GRIK2: variants seen among roughly 807,000 people sequenced by gnomAD.
GRIK2 encodes the protein glutamate ionotropic receptor kainate type subunit 2.
In GRIK2, 32 loss-of-function variants were observed where a neutral mutation model predicts 100.3. The observed-to-expected ratio is 0.32, with a 90% confidence interval of 0.24 to 0.43. GRIK2 has a LOEUF of 0.43. Ranked by LOEUF, GRIK2 falls within the 20% of genes least tolerant of loss-of-function variation. The probability of loss-of-function intolerance (pLI) is 1.00; values close to 1 mark genes in which losing one functional copy is unlikely to be tolerated. For synonymous variants in GRIK2, 417 were observed against 389.4 expected, an observed-to-expected ratio of 1.07 and a Z score of -0.83; for missense variants, 843 against 1,114.9, an observed-to-expected ratio of 0.76 and a Z score of 3.47.
chr6:101,963,278 A>ATTTTTTTTTTTTTTTTTTT lies in GRIK2; in HGVS notation c.2085+34665_2085+34683dup, dbSNP rs3029099. Among the ~76,000 whole-genome samples the ATTTTTTTTTTTTTTTTTTT allele has an allele frequency of 1.4e-4, 4 of 27,844 alleles. 1 individual carries two copies. Among genetic ancestry groups the ATTTTTTTTTTTTTTTTTTT allele is most frequent in the African/African-American group, 2.5e-4 (2 of 8,044 alleles). 18.3% of individuals were successfully genotyped at this position (27,844 alleles called of 152,430 possible). A position where few individuals can be genotyped will look rare whatever the true frequency, so the allele number is the denominator to read the frequency against. On this transcript the variant is annotated intron_variant, in intron 14 of 16. Transcript: ENST00000369134. ...TATTTCATATTTATACTTATTTAGGATTTTTTTTTTTTTTTTTTTTTTTTT... is the reference window on the plus strand; with the variant it reads ...TATTTCATATTTATACTTATTTAGGATTTTTTTTTTTTTTTTTTTTTTTTTTTTTTTTTTTTTTTTTTTT...
intron 7 of GRIK2, among the ~76,000 whole-genome samples, chr6:101,738,348 C>CT (rs200834939): frequency 0.018 from 2,733 of 151,382 alleles, 106 homozygotes; most frequent in African/African-American, 0.063. Context: ...AATAATCTCT[C>CT]TCTTTAATTC....
chr6:101,626,635 C>A lies in GRIK2; in HGVS notation c.539C>A (p.Thr180Asn), dbSNP rs368161465. 1.9e-6 allele frequency: 3 copies of A among 1,612,528 alleles called. No homozygotes were observed. In the African/African-American group the frequency reaches 4.0e-5, roughly 22 times the overall value. ...GTCACGGTTGTGTATGATGACAGCA[C>A]TGGTAAGAAAAATCAGTATCTTTTG... The part of the protein sequence containing the change: ...KTVTVVYDDS[T>N]GLIRLQELIK... Residue 180 changes from threonine (T) to asparagine (N), a missense_variant and splice_region_variant, in exon 4 of 17, where the codon ACT (threonine) becomes AAT (asparagine). Physicochemically the swap from Thr to Asn is moderately conservative, Grantham distance 65. This residue lies in a region of GRIK2 where 519 missense variants were observed against 643.8 expected (regional missense o/e 0.81). Coordinates refer to ENST00000369134, the MANE Select transcript of GRIK2 (RefSeq NM_021956.5).
At chr6:101,861,746 G>A (rs7744537) in intron 11 of GRIK2, among the ~76,000 whole-genome samples, 11,547 of 151,890 alleles carry the variant, frequency 0.076, 1,147 homozygotes, top group African/African-American at 0.23. Flanking sequence ...TTGATATTTC[G>A]CAAATTTGAA....
intron 7 of GRIK2, among the ~76,000 whole-genome samples, chr6:101,788,209 CT>C (rs1024999720): frequency 1.3e-4 from 20 of 149,558 alleles, no homozygotes; most frequent in African/African-American, 2.5e-4. Flanking sequence ...GAATTTCTTT[CT>C]TTTTTTTTAT....
At chr6:101,667,466 G>A (rs1361858800) in intron 4 of GRIK2, among the ~76,000 whole-genome samples, 2 of 152,268 alleles carry the variant, frequency 1.3e-5, no homozygotes, top group East Asian at 1.9e-4. Flanking sequence ...AAGTGTCAAA[G>A]TGTGTTTTCA....
At chr6:101,603,615 A>G (rs2128310880) in intron 2 of GRIK2, among the ~76,000 whole-genome samples, 1 of 151,948 alleles carries the variant, frequency 6.6e-6, no homozygotes, top group South Asian at 2.1e-4. Context: ...CAAGAACTTC[A>G]TAAACTGAAA....
intron 7 of GRIK2, among the ~76,000 whole-genome samples, chr6:101,710,993 G>A (rs569557851): frequency 1.8e-4 from 28 of 151,860 alleles, no homozygotes; most frequent in African/African-American, 6.5e-4. Context: ...TTATTCAGTG[G>A]ATGAAACCTT....
At chr6:101,576,729 A>C (rs1015800335) in intron 2 of GRIK2, among the ~76,000 whole-genome samples, 1 of 152,086 alleles carries the variant, frequency 6.6e-6, no homozygotes, top group Non-Finnish European at 1.5e-5. Context: ...GCATATATGT[A>C]TTACTTTTCT....
intron 15 of GRIK2, among the ~76,000 whole-genome samples, chr6:102,037,395 T>G (rs1562129315): frequency 6.6e-6 from 1 of 151,412 alleles, no homozygotes; most frequent in African/African-American, 2.4e-5. Context: ...TTGTTAAAAC[T>G]CAACAATAAT....
At chr6:101,767,053 G>A (rs1778084960) in intron 7 of GRIK2, among the ~76,000 whole-genome samples, 1 of 152,070 alleles carries the variant, frequency 6.6e-6, no homozygotes, top group Non-Finnish European at 1.5e-5. Context: ...TATGAAAAGA[G>A]GGGAAATTTG....
intron 2 of GRIK2, among the ~76,000 whole-genome samples, chr6:101,449,330 A>G (rs1013312870): frequency 1.3e-5 from 2 of 151,676 alleles, no homozygotes; most frequent in African/African-American, 4.8e-5. Flanking sequence ...AAACAACTGC[A>G]TTACTTTATA....
intron 16 of GRIK2, among the ~76,000 whole-genome samples, chr6:102,058,954 TAA>T (rs1562145909): frequency 1.3e-5 from 2 of 151,302 alleles, no homozygotes; most frequent in African/African-American, 4.8e-5. Flanking sequence ...CTTTCCATAT[TAA>T]GTCTTACTTT....
At chr6:101,447,485 G>T (rs1226169501) in intron 2 of GRIK2, among the ~76,000 whole-genome samples, 1 of 151,638 alleles carries the variant, frequency 6.6e-6, no homozygotes, top group African/African-American at 2.4e-5. Flanking sequence ...AGTATAAATA[G>T]ATAAATGGGA....
At chr6:101,405,001 C>T (rs1369049177) in intron 2 of GRIK2, among the ~76,000 whole-genome samples, 1 of 152,086 alleles carries the variant, frequency 6.6e-6, no homozygotes, top group African/African-American at 2.4e-5. Context: ...TGATTGAAGT[C>T]ACAGCGGTCA....
chr6:102,004,660 C>T (rs1795119521), intron 14 of GRIK2, among the ~76,000 whole-genome samples: 1 of 151,908 alleles, frequency 6.6e-6, no homozygotes, highest in African/African-American at 2.4e-5. Context: ...TGTTGCTCAT[C>T]CTTCATTCCG....
intron 2 of GRIK2, among the ~76,000 whole-genome samples, chr6:101,541,578 C>T (rs750293090): frequency 1.3e-5 from 2 of 152,008 alleles, no homozygotes; most frequent in African/African-American, 4.8e-5. Context: ...ATGTCTTGTT[C>T]GCTATTAAGT....
intron 7 of GRIK2, among the ~76,000 whole-genome samples, chr6:101,771,307 A>C (rs1778388314): frequency 6.6e-6 from 1 of 151,938 alleles, no homozygotes; most frequent in Non-Finnish European, 1.5e-5. Context: ...ACAAATAGCT[A>C]GTGTGGTTTG....
At chr6:101,837,935 C>T (rs1262328974) in intron 10 of GRIK2, among the ~76,000 whole-genome samples, 1 of 152,066 alleles carries the variant, frequency 6.6e-6, no homozygotes, top group African/African-American at 2.4e-5. Context: ...GGACATGCTA[C>T]CCCCAAATGT....
intron 14 of GRIK2, among the ~76,000 whole-genome samples, chr6:101,936,491 CTATT>C: frequency 6.6e-6 from 1 of 151,810 alleles, no homozygotes; most frequent in Non-Finnish European, 1.5e-5. Context: ...TAAAACATGA[CTATT>C]TATTATGTCT....
Sources: gnomAD v4.1 joint callset for allele counts (sites outside exome capture counted in the v4.1 genomes callset) on GRCh38, gnomAD v4.1.1 for gene constraint, gnomAD v4.1.1 regional missense constraint, MANE v1.5 for transcripts, NCBI Gene and HGNC (gene_info 2026-07-23, HGNC 2026-07-21) for gene names.